SLIT3: variants seen among roughly 807,000 people sequenced by gnomAD.
The protein encoded by SLIT3 is slit guidance ligand 3.
A neutral mutation model predicts 184.0 loss-of-function variants in SLIT3; 68 were observed. That is an observed-to-expected ratio of 0.37 (90% CI 0.30 to 0.45). SLIT3 has a LOEUF of 0.45. Among genes scored for constraint, SLIT3 ranks in the 20% least tolerant of loss-of-function variants. The probability of loss-of-function intolerance (pLI) is 1.00; values close to 1 mark genes in which losing one functional copy is unlikely to be tolerated. For missense variants in SLIT3, 1,707 were observed against 2,026.0 expected, an observed-to-expected ratio of 0.84 and a Z score of 3.02; for synonymous variants, 831 against 828.6, an observed-to-expected ratio of 1.00 and a Z score of -0.05.
At chr5:169,146,657 T>C (rs1761935986) in intron 4 of SLIT3, among the ~76,000 whole-genome samples, 1 of 152,064 alleles carries the variant, frequency 6.6e-6, no homozygotes. Flanking sequence ...TTCTCTAAGC[T>C]CTTCCAAACC....
chr5:169,114,119 C>T (rs373322974), intron 4 of SLIT3, among the ~76,000 whole-genome samples: 1 of 152,214 alleles, frequency 6.6e-6, no homozygotes. Context: ...CCCCACCTAG[C>T]TGGGCTGGGA....
chr5:169,299,888 G>A (rs985031885), intron 1 of SLIT3, among the ~76,000 whole-genome samples: 50 of 151,034 alleles, frequency 3.3e-4, no homozygotes, highest in Non-Finnish European at 4.7e-4. Flanking sequence ...TTATAACCGA[G>A]CCATAAAAAA....
intron 7 of SLIT3, among the ~76,000 whole-genome samples, chr5:168,817,668 C>A (rs1044129778): frequency 7.9e-5 from 12 of 152,210 alleles, no homozygotes; most frequent in African/African-American, 2.9e-4. Flanking sequence ...AAGGATGCCT[C>A]CGGGGTTCTG....
intron 4 of SLIT3, among the ~76,000 whole-genome samples, chr5:168,954,776 C>T (rs2113257083): frequency 6.6e-6 from 1 of 152,252 alleles, no homozygotes; most frequent in South Asian, 2.1e-4. Context: ...GTTTGGTAAA[C>T]TGATGAGTAA....
At chr5:168,805,321 GGGAAGAGGAGGAGGA>G (rs1415185689) in intron 9 of SLIT3, among the ~76,000 whole-genome samples, 2 of 152,038 alleles carry the variant, frequency 1.3e-5, no homozygotes, top group Non-Finnish European at 2.9e-5. Context: ...GGGGAGGAGG[GGGAAGAGGAGGAGGA>G]GGAAGAGGAG....
intron 4 of SLIT3, among the ~76,000 whole-genome samples, chr5:169,186,152 C>T (rs1222505095): frequency 2.0e-5 from 3 of 152,152 alleles, no homozygotes; most frequent in African/African-American, 7.2e-5. Context: ...ACCCTAATCC[C>T]AATACCTCAG....
chr5:169,148,884 A>T (rs1762023066), intron 4 of SLIT3, among the ~76,000 whole-genome samples: 1 of 47,290 alleles, frequency 2.1e-5, no homozygotes, highest in South Asian at 3.4e-4. Context: ...GTGTTACTTA[A>T]AAAAAAAAAA....
intron 4 of SLIT3, among the ~76,000 whole-genome samples, chr5:169,064,406 T>C (rs1758279287): frequency 1.3e-5 from 2 of 152,240 alleles, no homozygotes; most frequent in East Asian, 3.8e-4. Context: ...TGTGAGGCCC[T>C]ATAATATGCC....
Position 168,741,572 on chromosome 5 carries a change from A to G in SLIT3, c.2270+6730T>C, listed in dbSNP as rs2569020. 1.9e-3 allele frequency among the ~76,000 whole-genome samples: 293 copies of G among 151,932 alleles called. 4 individuals are homozygous for G. The highest frequency in any genetic ancestry group is 6.4e-3 in the African/African-American group (266 of 41,438). Reference sequence around the variant, plus strand: ...GCTTAACTCTGGAGGGGGAAAGAAAACAAACAGTGAATGAGACACAATTGC... The same window carrying G: ...GCTTAACTCTGGAGGGGGAAAGAAAGCAAACAGTGAATGAGACACAATTGC... On this transcript the variant is annotated intron_variant, in intron 20 of 35. Transcript: ENST00000519560.
intron 4 of SLIT3, among the ~76,000 whole-genome samples, chr5:169,187,833 C>T (rs1390019589): frequency 6.6e-6 from 1 of 151,236 alleles, no homozygotes; most frequent in Admixed American, 6.6e-5. Flanking sequence ...GGATTACAGG[C>T]GTCAGCTACC....
chr5:169,297,262 GTTTC>G (rs554354260), intron 1 of SLIT3, among the ~76,000 whole-genome samples: 5 of 152,308 alleles, frequency 3.3e-5, no homozygotes, highest in African/African-American at 1.2e-4. Flanking sequence ...AAAAGACAGA[GTTTC>G]TTTTTCTGCG....
At chr5:169,110,967 G>T (rs1201468808) in intron 4 of SLIT3, among the ~76,000 whole-genome samples, 2 of 152,146 alleles carry the variant, frequency 1.3e-5, no homozygotes, top group Non-Finnish European at 2.9e-5. Context: ...AGTCTGTTCT[G>T]ACTGCCCTGA....
At chr5:168,717,794 G>T (rs1762790556) in intron 23 of SLIT3, among the ~76,000 whole-genome samples, 1 of 151,748 alleles carries the variant, frequency 6.6e-6, no homozygotes, top group African/African-American at 2.4e-5. Flanking sequence ...CCAAGTAGCT[G>T]GGACTACAGG....
intron 4 of SLIT3, chr5:168,994,033 A>G (rs919213732): frequency 6.6e-6 from 1 of 152,314 alleles, no homozygotes; most frequent in Non-Finnish European, 1.5e-5. Context: ...CCAGGGTTCC[A>G]GCTGCAACCT....
intron 4 of SLIT3, among the ~76,000 whole-genome samples, chr5:168,962,403 A>T (rs1168649917): frequency 1.3e-5 from 2 of 152,020 alleles, no homozygotes; most frequent in African/African-American, 4.8e-5. Context: ...ATAATGATTT[A>T]TGGGAGGCTG....
intron 20 of SLIT3, among the ~76,000 whole-genome samples, chr5:168,730,224 C>A (rs1262385112): frequency 6.6e-6 from 1 of 151,818 alleles, no homozygotes; most frequent in Non-Finnish European, 1.5e-5. Flanking sequence ...TCAAATAACA[C>A]AAACAAATAA....
At chr5:168,690,002 A>G (rs1055248488) in intron 29 of SLIT3, among the ~76,000 whole-genome samples, 1 of 152,230 alleles carries the variant, frequency 6.6e-6, no homozygotes, top group African/African-American at 2.4e-5. Flanking sequence ...ATATTGTCTT[A>G]GAACTCAAGG....
chr5:168,817,626 GC>G (rs2113657397), intron 7 of SLIT3, among the ~76,000 whole-genome samples, 163 bp from the exon 8 acceptor site: 1 of 152,284 alleles, frequency 6.6e-6, no homozygotes, highest in African/African-American at 2.4e-5. Flanking sequence ...AAACATGGGA[GC>G]CCCAACCCTT....
intron 29 of SLIT3, among the ~76,000 whole-genome samples, chr5:168,691,219 T>G (rs527934934): frequency 7.2e-5 from 11 of 152,328 alleles, no homozygotes; most frequent in Non-Finnish European, 5.9e-5. Flanking sequence ...TCAAGATCTG[T>G]GGACTGATGG....
Sources: gnomAD v4.1 joint callset for allele counts (sites outside exome capture counted in the v4.1 genomes callset) on GRCh38, gnomAD v4.1.1 for gene constraint, MANE v1.5 for transcripts, NCBI Gene and HGNC (gene_info 2026-07-23, HGNC 2026-07-21) for gene names.